The following BCL10 variants were observed in gnomAD, a reference collection of about 807,000 sequenced individuals.
BCL10 encodes B-cell lymphoma/leukemia 10.
BCL10 carries 5 observed loss-of-function variants against 19.2 expected under a neutral mutation model. That is an observed-to-expected ratio of 0.26 (90% CI 0.14 to 0.55). The LOEUF is 0.55. BCL10 is among the 20% of genes least tolerant of loss of function. The pLI, the probability that BCL10 is intolerant of heterozygous loss-of-function variation, is 0.94. For synonymous variants in BCL10, 110 were observed against 98.8 expected, an observed-to-expected ratio of 1.11 and a Z score of -0.67; for missense variants, 201 against 271.9, an observed-to-expected ratio of 0.74 and a Z score of 1.83.
At chr1:85,273,415 G>A (rs898772058) in intron 1 of BCL10, among the ~76,000 whole-genome samples, 6 of 151,982 alleles carry the variant, frequency 3.9e-5, no homozygotes, top group African/African-American at 1.5e-4. Context: ...TCATTTTCTT[G>A]TTGTTGTTGT....
rs1238577530 is a variant in BCL10 at position 85,265,989 on chromosome 1, CACT to C, written c.*1635_*1637del. On this transcript the variant is annotated 3_prime_UTR_variant, in exon 3 of 3. Coordinates refer to ENST00000648566, the MANE Select transcript of BCL10 (RefSeq NM_003921.5). ...ATGTAACCTATTTTCTTTCTAACACCACTATTTTTGCTATGCATTGGAGGTGAA... is the reference window on the plus strand; with the variant it reads ...ATGTAACCTATTTTCTTTCTAACACCATTTTTGCTATGCATTGGAGGTGAA... Among the ~76,000 whole-genome samples the C allele has an allele frequency of 2.6e-5, 4 of 152,048 alleles. No homozygotes were observed. Among genetic ancestry groups the C allele is most frequent in the African/African-American group, 9.7e-5 (4 of 41,392 alleles).
chr1:85,273,401 T>C (rs1320920017), intron 1 of BCL10, among the ~76,000 whole-genome samples: 1 of 152,244 alleles, frequency 6.6e-6, no homozygotes, highest in Non-Finnish European at 1.5e-5. Flanking sequence ...ATACAACTTT[T>C]CAATCATTTT....
chr1:85,268,126 T>C (rs1252301855), intron 2 of BCL10, 144 bp from the exon 3 acceptor site: 6 of 598,332 alleles, frequency 1.0e-5, no homozygotes, highest in African/African-American at 1.9e-5. Flanking sequence ...TCATAATCTA[T>C]TTCAAATCTA....
intron 2 of BCL10, 40 bp downstream of exon 2, chr1:85,270,578 T>C: frequency 6.5e-7 from 1 of 1,550,124 alleles, no homozygotes. Context: ...AAAAGCATTA[T>C]TACATTTAAA....
Position 85,270,228 on chromosome 1 carries a change from T to C in BCL10, c.346+390A>G, listed in dbSNP as rs182559418. ...AGGTAAAATAAGTGCAAATTGAATA[T>C]AATTTTGAAGTTTAAACTTTTTGAA... On this transcript the variant is annotated intron_variant, in intron 2 of 2. Transcript: ENST00000648566. Among the ~76,000 whole-genome samples, 4 of 152,348 alleles carry C rather than the reference T, an allele frequency of 2.6e-5. No homozygotes were observed. The South Asian group carries it at 6.2e-4, about 24-fold the overall frequency.
rs139732598 is a variant in BCL10, at chr1:85,269,072, G to A, written c.347-1090C>T. On this transcript the variant is annotated intron_variant, in intron 2 of 2. Transcript: ENST00000648566. ...ACTAATGCCATTATCACGGGAATGG[G>A]TTAGTTATTTTGGGAGTTCGACTCC... Among the ~76,000 whole-genome samples, 48 of 152,324 alleles carry A rather than the reference G, an allele frequency of 3.2e-4. 2 individuals carry two copies. The East Asian group carries it at 8.9e-3, about 28-fold the overall frequency.
chr1:85,267,534 C>T lies in BCL10; in HGVS notation c.*93G>A. On this transcript the variant is annotated 3_prime_UTR_variant, in exon 3 of 3. Transcript: ENST00000648566. ...ACATTGCATTTTAAAAGACATGCAT[C>T]AAATGTAAACAAATGATTACAGCCA... The T allele has an allele frequency of 1.9e-6, 2 of 1,047,828 alleles. No individual in the cohort carries two copies. The highest frequency in any genetic ancestry group is 2.7e-6 in the Non-Finnish European group (2 of 733,912). 64.9% of individuals were successfully genotyped at this position (1,047,828 alleles called of 1,614,324 possible).
chr1:85,276,419 G>A lies in BCL10; in HGVS notation c.-67C>T. 6 of 1,561,818 alleles carry A rather than the reference G, an allele frequency of 3.8e-6. No homozygotes were observed. Among genetic ancestry groups the A allele is most frequent in the Non-Finnish European group, 4.4e-6 (5 of 1,134,574 alleles). On this transcript the variant is annotated 5_prime_UTR_variant, in exon 1 of 3. Transcript: ENST00000648566. ...CGGGCTGCGCCGCCCCGCCCTGGCT[G>A]GGGGCTTCGGCCTCCGGGTAATGGG...
chr1:85,269,546 CT>C (rs1260131323), intron 2 of BCL10, among the ~76,000 whole-genome samples: 1 of 152,258 alleles, frequency 6.6e-6, no homozygotes, highest in Non-Finnish European at 1.5e-5. Flanking sequence ...ATACAAACTA[CT>C]TTCTTAGATA....
intron 2 of BCL10, among the ~76,000 whole-genome samples, chr1:85,269,974 G>A (rs111805312): frequency 2.6e-5 from 4 of 152,306 alleles, no homozygotes; most frequent in African/African-American, 9.6e-5. Context: ...AGAAAAACTA[G>A]CAGAGTTGGA....
Position 85,270,582 on chromosome 1 carries a change from A to C in BCL10, c.346+36T>G, listed in dbSNP as rs771993692. ...CTGCATTTTTTAAAAGCATTATTAC[A>C]TTTAAATTAGCTCTTAGATAATTAA... On this transcript the variant is annotated intron_variant, in intron 2 of 2. Transcript: ENST00000648566. 6.4e-6 allele frequency: 10 copies of C among 1,558,916 alleles called. No homozygotes were observed. In the Admixed American group the frequency reaches 2.0e-4, roughly 31 times the overall value.
rs1200880395 is a variant in BCL10 at position 85,267,086 on chromosome 1, G to A, written c.*541C>T. 5.3e-6 allele frequency: 1 copy of A among 189,404 alleles called. No homozygotes were observed. Among genetic ancestry groups the A allele is most frequent in the Non-Finnish European group, 1.1e-5 (1 of 90,118 alleles). 11.7% of individuals were successfully genotyped at this position (189,404 alleles called of 1,614,324 possible). A position where few individuals can be genotyped will look rare whatever the true frequency, so the allele number is the denominator to read the frequency against. ...TCTTAGGTGGCTCACACTCCATCAA[G>A]TGTTCCTCCAGTATCAAAAAGAGGC... On this transcript the variant is annotated 3_prime_UTR_variant, in exon 3 of 3. Coordinates refer to ENST00000648566, the MANE Select transcript of BCL10 (RefSeq NM_003921.5).
At chr1:85,272,281 G>C (rs1172079397) in intron 1 of BCL10, among the ~76,000 whole-genome samples, 1 of 152,038 alleles carries the variant, frequency 6.6e-6, no homozygotes, top group Non-Finnish European at 1.5e-5. Context: ...ACCTAGGCTG[G>C]AGTGCAGTGG....
chr1:85,275,000 T>C lies in BCL10; in HGVS notation c.57+1296A>G, dbSNP rs1660476376. On this transcript the variant is annotated intron_variant, in intron 1 of 2. Coordinates refer to ENST00000648566, the MANE Select transcript of BCL10 (RefSeq NM_003921.5). ...TACAGATCTTATTTCCTTCCACTTG[T>C]AATTTCTCAGTTCCTGTTTTATTAG... Among the ~76,000 whole-genome samples, 3 of 152,372 alleles carry C rather than the reference T, an allele frequency of 2.0e-5. No individual in the cohort carries two copies. The South Asian group carries it at 6.2e-4, about 32-fold the overall frequency.
rs1660222930 is a variant in BCL10 at position 85,267,166 on chromosome 1, T to C, written c.*461A>G. 1 of 198,310 alleles carries C rather than the reference T, an allele frequency of 5.0e-6. No homozygotes were observed. Among genetic ancestry groups the C allele is most frequent in the African/African-American group, 2.3e-5 (1 of 43,430 alleles). 12.3% of individuals were successfully genotyped at this position (198,310 alleles called of 1,614,324 possible). The stretch of plus-strand genomic sequence containing the variant: ...GAAAAGAGATTTTTATTTTTCTATA[T>C]TGGCAGTTTTCCCATCAGTGACCGG... On this transcript the variant is annotated 3_prime_UTR_variant, in exon 3 of 3. Transcript: ENST00000648566.
Position 85,276,571 on chromosome 1 carries a change from G to C in BCL10, c.-219C>G. 1.7e-6 allele frequency: 1 copy of C among 598,016 alleles called. No individual in the cohort carries two copies. The highest frequency in any genetic ancestry group is 3.0e-5 in the Admixed American group (1 of 33,570). The allele number at this position is 598,016 out of a possible 1,614,324, so 37.0% of individuals were successfully genotyped here. A position where few individuals can be genotyped will look rare whatever the true frequency, so the allele number is the denominator to read the frequency against. On this transcript the variant is annotated 5_prime_UTR_variant, in exon 1 of 3. Coordinates refer to ENST00000648566, the MANE Select transcript of BCL10 (RefSeq NM_003921.5). The stretch of plus-strand genomic sequence containing the variant: ...GAGGTCGACGGCGACGCGAATCTAC[G>C]CGACGCGACGCGGAGCTCGGAGCAG...
intron 2 of BCL10, 151 bp from the exon 3 acceptor site, chr1:85,268,133 T>C (rs1230047597): frequency 1.7e-6 from 1 of 592,674 alleles, no homozygotes; most frequent in Non-Finnish European, 2.9e-6. Flanking sequence ...CTATTTCAAA[T>C]CTAATTTGCT....
At chr1:85,276,244 C>A (rs368482107) in intron 1 of BCL10, 52 bp downstream of exon 1, 2 of 1,582,706 alleles carry the variant, frequency 1.3e-6, no homozygotes, top group Non-Finnish European at 1.7e-6. Flanking sequence ...TTTCGTCTCC[C>A]GCTGGGCTGC....
At chr1:85,271,373 A>C (rs1466972766) in intron 1 of BCL10, among the ~76,000 whole-genome samples, 3 of 152,226 alleles carry the variant, frequency 2.0e-5, no homozygotes, top group African/African-American at 7.2e-5. Flanking sequence ...TAAAGACAAA[A>C]AACAAAACCC....
Sources: gnomAD v4.1 joint callset for allele counts (sites outside exome capture counted in the v4.1 genomes callset) on GRCh38, gnomAD v4.1.1 for gene constraint, MANE v1.5 for transcripts, NCBI Gene and HGNC (gene_info 2026-07-23, HGNC 2026-07-21) for gene names.